PALS1: variants seen among roughly 807,000 people sequenced by gnomAD.
PALS1 encodes the protein protein associated with LIN7 1, MAGUK p55 family member.
In PALS1, 31 loss-of-function variants were observed where a neutral mutation model predicts 78.9. That is an observed-to-expected ratio of 0.39 (90% CI 0.30 to 0.53). The LOEUF (loss-of-function observed/expected upper bound fraction) is 0.53, where lower values mean the gene tolerates loss of function less well. Ranked by LOEUF, PALS1 falls within the 20% of genes least tolerant of loss-of-function variation. The pLI, the probability that PALS1 is intolerant of heterozygous loss-of-function variation, is 0.67. For missense variants in PALS1, 704 were observed against 826.5 expected (o/e 0.85, Z 1.82); for synonymous variants, 276 against 270.9 (o/e 1.02, Z -0.18).
intron 11 of PALS1, 145 bp downstream of exon 11, chr14:67,317,624 T>C: frequency 1.9e-6 from 1 of 525,008 alleles, no homozygotes; most frequent in Middle Eastern, 5.3e-4. Flanking sequence ...AGTAAGGCAG[T>C]GTTTTGAATT....
intron 14 of PALS1, among the ~76,000 whole-genome samples, chr14:67,326,433 A>G (rs1257941205): frequency 6.6e-6 from 1 of 151,414 alleles, no homozygotes. Flanking sequence ...AACAATATGC[A>G]ATATATTTGA....
At chr14:67,251,242 A>G (rs1409625281) in intron 1 of PALS1, among the ~76,000 whole-genome samples, 2 of 152,186 alleles carry the variant, frequency 1.3e-5, no homozygotes, top group South Asian at 4.1e-4. Context: ...AGTGTTTAAA[A>G]ATGTACGTGA....
chr14:67,243,585 C>T (rs1483843766), intron 1 of PALS1, among the ~76,000 whole-genome samples: 2 of 150,128 alleles, frequency 1.3e-5, no homozygotes, highest in African/African-American at 2.5e-5. Flanking sequence ...CTCTGCCTCC[C>T]GGGTTCACGC....
At position 67,301,453 on chromosome 14, in the gene PALS1, C is replaced by T. The variant is rs771063110; in HGVS notation, c.641C>T (p.Thr214Ile). 1 of 1,608,460 alleles carries T rather than the reference C, an allele frequency of 6.2e-7. No homozygotes were observed. The highest frequency in any genetic ancestry group is 1.1e-5 in the South Asian group (1 of 90,482). ...CAAGAACTAACTGCTTTGCTGAATA[C>T]TCCACATATTCAGGTAGAAAATGGA... ...EGQELTALLN[T>I]PHIQALLLAH... Residue 214 changes from threonine to isoleucine, a missense_variant, in exon 5 of 15, where the codon ACT becomes ATT. Thr to Ile is a moderately conservative substitution (Grantham distance 89). Coordinates refer to ENST00000261681, the MANE Select transcript of PALS1 (RefSeq NM_022474.4).
At chr14:67,274,916 C>T (rs2084474580) in intron 2 of PALS1, among the ~76,000 whole-genome samples, 2 of 144,868 alleles carry the variant, frequency 1.4e-5, no homozygotes, top group Admixed American at 6.8e-5. Flanking sequence ...TGATTTGGCT[C>T]TCTATTTGTC....
chr14:67,330,154 AATT>A lies in PALS1; in HGVS notation c.1852-2611_1852-2609del, dbSNP rs766433142. Among the ~76,000 whole-genome samples, 461 of 105,714 alleles carry A rather than the reference AATT, an allele frequency of 4.4e-3. 5 individuals carry two copies. Among genetic ancestry groups the A allele is most frequent in the African/African-American group, 0.021 (414 of 19,628 alleles). The allele number at this position is 105,714 out of a possible 152,430, so 69.4% of individuals were successfully genotyped here. A position where few individuals can be genotyped will look rare whatever the true frequency, so the allele number is the denominator to read the frequency against. On this transcript the variant is annotated intron_variant, in intron 14 of 14. Transcript: ENST00000261681. The stretch of plus-strand genomic sequence containing the variant: ...CCAGGAAATAAATAATAATAATAAT[AATT>A]ATTATTATTATTATCAAAAGGAATA...
Position 67,316,977 on chromosome 14 carries a change from T to C in PALS1, c.1297+74T>C. ...CTGGAGCCATGTGTGAATCTGCATA[T>C]TAGAACCGTGAAGAAGTACTCAGGG... On this transcript the variant is annotated intron_variant, in intron 10 of 14. Transcript: ENST00000261681. 4 of 1,184,992 alleles carry C rather than the reference T, an allele frequency of 3.4e-6. No homozygotes were observed. The South Asian group carries it at 5.5e-5, about 16-fold the overall frequency. 73.4% of individuals were successfully genotyped at this position (1,184,992 alleles called of 1,614,324 possible). A position where few individuals can be genotyped will look rare whatever the true frequency, so the allele number is the denominator to read the frequency against.
At position 67,320,286 on chromosome 14, in the gene PALS1, G is replaced by A; in HGVS notation, c.1426G>A (p.Ala476Thr). 6.2e-7 allele frequency: 1 copy of A among 1,613,580 alleles called. No homozygotes were observed. Among genetic ancestry groups the A allele is most frequent in the Non-Finnish European group, 8.5e-7 (1 of 1,179,760 alleles). Residue 476 changes from alanine to threonine, a missense_variant, in exon 12 of 15, where the codon GCA becomes ACA. Transcript: ENST00000261681. Reference sequence around the variant, plus strand: ...GGAAATGTCACTTTATCATCAGCCAGCAAATAGGAAGAGACCTATCATCTT... The same window carrying A: ...GGAAATGTCACTTTATCATCAGCCAACAAATAGGAAGAGACCTATCATCTT... ...YEEMSLYHQP[A>T]NRKRPIILIG... is the part of the protein sequence containing the mutation.
chr14:67,245,617 G>A (rs768407724), intron 1 of PALS1, among the ~76,000 whole-genome samples: 6 of 152,072 alleles, frequency 3.9e-5, no homozygotes, highest in South Asian at 2.1e-4. Context: ...CTCCCAAAGT[G>A]GTGGGATAAC....
intron 4 of PALS1, chr14:67,294,511 A>G (rs777141687): frequency 1.3e-5 from 2 of 152,190 alleles, no homozygotes; most frequent in Non-Finnish European, 2.9e-5. Flanking sequence ...TTAGTGAAAC[A>G]TTCAGAAGTA....
At chr14:67,290,000 C>T (rs548257103) in intron 3 of PALS1, among the ~76,000 whole-genome samples, 37 of 152,142 alleles carry the variant, frequency 2.4e-4, no homozygotes, top group African/African-American at 8.7e-4. Flanking sequence ...TCTCGATCTC[C>T]TGACCTCATG....
intron 5 of PALS1, 40 bp downstream of exon 5, chr14:67,301,506 G>T (rs1397989501): frequency 1.4e-6 from 2 of 1,434,986 alleles, no homozygotes; most frequent in South Asian, 1.3e-5. Flanking sequence ...GGTTTTTCCA[G>T]CATTCTTCTA....
chr14:67,245,094 C>T (rs1472839390), intron 1 of PALS1, among the ~76,000 whole-genome samples: 1 of 152,190 alleles, frequency 6.6e-6, no homozygotes, highest in South Asian at 2.1e-4. Context: ...AAGAAAGCAG[C>T]CCTGCCAGTA....
At chr14:67,262,855 A>G (rs1406511323) in intron 1 of PALS1, among the ~76,000 whole-genome samples, 1 of 152,176 alleles carries the variant, frequency 6.6e-6, no homozygotes, top group East Asian at 1.9e-4. Flanking sequence ...ATTATTAGCC[A>G]TATACAGCAA....
intron 3 of PALS1, among the ~76,000 whole-genome samples, chr14:67,282,534 A>G (rs1227509705): frequency 6.6e-6 from 1 of 152,156 alleles, no homozygotes; most frequent in Admixed American, 6.5e-5. Flanking sequence ...AAATTTGACA[A>G]TGTATGATAA....
intron 1 of PALS1, among the ~76,000 whole-genome samples, chr14:67,252,388 C>A (rs972026449): frequency 2.0e-5 from 3 of 152,096 alleles, no homozygotes; most frequent in Admixed American, 2.0e-4. Context: ...CTCCTGGTCT[C>A]CAGCAGTCCT....
chr14:67,245,024 A>G (rs1037813511), intron 1 of PALS1, among the ~76,000 whole-genome samples: 3 of 152,204 alleles, frequency 2.0e-5, no homozygotes, highest in Non-Finnish European at 4.4e-5. Flanking sequence ...AAGATGGAGG[A>G]GAGCAGGCCA....
At chr14:67,250,125 T>G (rs938946226) in intron 1 of PALS1, among the ~76,000 whole-genome samples, 3 of 149,426 alleles carry the variant, frequency 2.0e-5, no homozygotes, top group African/African-American at 5.1e-5. Context: ...ACCATTGATG[T>G]AGATAGACGA....
rs368348011 is a variant in PALS1, at chr14:67,284,560, A to C, written c.367+5023A>C. Among the ~76,000 whole-genome samples the C allele has an allele frequency of 2.4e-3, 311 of 131,758 alleles. 12 individuals carry two copies. In the South Asian group the frequency reaches 0.037, roughly 16 times the overall value. The allele number at this position is 131,758 out of a possible 152,430, so 86.4% of individuals were successfully genotyped here. On this transcript the variant is annotated intron_variant, in intron 3 of 14. Transcript: ENST00000261681. ...AGGCTGCAGTGCTAAAAAAAAAAAA[A>C]AAAAAAAAAAAAAAAAAAAAAAAAA...
Sources: allele counts gnomAD v4.1 joint callset (sites outside exome capture counted in the v4.1 genomes callset), GRCh38; gene constraint gnomAD v4.1.1; transcripts MANE v1.5; gene names NCBI Gene and HGNC (gene_info 2026-07-23, HGNC 2026-07-21).